Variants in PALM2AKAP2 observed in about 807,000 individuals in gnomAD.
The protein encoded by PALM2AKAP2 is PALM2-AKAP2 fusion protein.
PALM2AKAP2 carries 37 observed loss-of-function variants against 71.5 expected under a neutral mutation model. The observed-to-expected ratio is 0.52, with a 90% CI of 0.40 to 0.68. The LOEUF is 0.68. PALM2AKAP2 is among the 30% of genes least tolerant of loss of function. The pLI is 0.00. For synonymous variants in PALM2AKAP2, 468 were observed against 478.8 expected (o/e 0.98, Z 0.29); for missense variants, 1,224 against 1,191.8 (o/e 1.03, Z -0.40).
At chr9:109,647,050 C>A (rs1410617889) in intron 1 of PALM2AKAP2, among the ~76,000 whole-genome samples, 2 of 152,138 alleles carry the variant, frequency 1.3e-5, no homozygotes, top group Non-Finnish European at 2.9e-5. Context: ...GAGGTGATTA[C>A]CATGAACGCT....
chr9:110,145,937 C>T (rs111851762), intron 2 of PALM2AKAP2, among the ~76,000 whole-genome samples: 16,920 of 114,568 alleles, frequency 0.15, 972 homozygotes, highest in East Asian at 0.2. Flanking sequence ...CTCGTTCTGT[C>T]GCCCAGTCTG....
At chr9:109,863,057 C>T (rs10980095) in intron 1 of PALM2AKAP2, 2 of 428,320 alleles carry the variant, frequency 4.7e-6, no homozygotes, top group Non-Finnish European at 9.3e-6. Context: ...AGGCAAGGGT[C>T]GGAGGTGGTC....
At chr9:109,960,406 A>G (rs1026049340) in intron 6 of PALM2AKAP2, among the ~76,000 whole-genome samples, 10 of 152,220 alleles carry the variant, frequency 6.6e-5, no homozygotes, top group Admixed American at 6.5e-4. Context: ...CAGTAGCAGC[A>G]CCTTTGATCT....
chr9:110,070,930 C>G (rs903324397), intron 1 of PALM2AKAP2, among the ~76,000 whole-genome samples: 1 of 151,858 alleles, frequency 6.6e-6, no homozygotes, highest in Non-Finnish European at 1.5e-5. Context: ...GGGAGGCTGA[C>G]GTGGGTGGAT....
intron 1 of PALM2AKAP2, among the ~76,000 whole-genome samples, chr9:110,109,367 A>G (rs1294331457): frequency 6.6e-6 from 1 of 151,220 alleles, no homozygotes; most frequent in Non-Finnish European, 1.5e-5. Flanking sequence ...AAAAAAAAAA[A>G]AAAGAAAAAC....
intron 1 of PALM2AKAP2, among the ~76,000 whole-genome samples, chr9:109,691,941 CACATATATATATAT>C (rs1290177543): frequency 1.2e-4 from 14 of 113,252 alleles, no homozygotes; most frequent in African/African-American, 4.5e-4. Context: ...TATATATATA[CACATATATATATAT>C]ACATATATAT....
intron 1 of PALM2AKAP2, among the ~76,000 whole-genome samples, chr9:109,716,933 G>T (rs1383219746): frequency 3.3e-5 from 5 of 152,134 alleles, no homozygotes; most frequent in African/African-American, 4.8e-5. Flanking sequence ...GGGCTGGCTT[G>T]CCAGAAGGAC....
At chr9:110,132,107 C>T (rs1429560654) in intron 1 of PALM2AKAP2, among the ~76,000 whole-genome samples, 4 of 150,938 alleles carry the variant, frequency 2.7e-5, no homozygotes, top group African/African-American at 7.3e-5. Context: ...GCTGGAGTGC[C>T]GTGGCATGAT....
rs1836463386 is a variant in PALM2AKAP2, at chr9:110,156,551, G to GCGTGTGGCATTCCAGTTCAGGCACAA, written c.2748+55_2748+80dup. The GCGTGTGGCATTCCAGTTCAGGCACAA allele has an allele frequency of 2.6e-6, 4 of 1,516,520 alleles. No individual in the cohort carries two copies. In the South Asian group the frequency reaches 5.5e-5, roughly 21 times the overall value. 93.9% of individuals were successfully genotyped at this position (1,516,520 alleles called of 1,614,324 possible). On this transcript the variant is annotated intron_variant, in intron 3 of 3. Coordinates refer to ENST00000374525, the Ensembl canonical transcript of PALM2AKAP2. ...TTCTCTGAGCGCGGCCATCGGTGTG[G>GCGTGTGGCATTCCAGTTCAGGCACAA]CGTGTGGCATTCCAGTTCAGGCACA...
intron 3 of PALM2AKAP2, among the ~76,000 whole-genome samples, chr9:109,909,957 T>C (rs916540665): frequency 6.6e-6 from 1 of 152,162 alleles, no homozygotes; most frequent in Non-Finnish European, 1.5e-5. Context: ...TATTGTGGTG[T>C]GTCTAGGCAC....
At chr9:110,050,002 G>A in intron 1 of PALM2AKAP2, among the ~76,000 whole-genome samples, 1 of 152,232 alleles carries the variant, frequency 6.6e-6, no homozygotes, top group East Asian at 1.9e-4. Context: ...AGGAAAGCCC[G>A]TTTCCCGTGT....
At chr9:109,745,487 A>AGTGTGTGTGT (rs199950779) in intron 1 of PALM2AKAP2, among the ~76,000 whole-genome samples, 5,828 of 146,916 alleles carry the variant, frequency 0.04, 169 homozygotes, top group Non-Finnish European at 0.053. Flanking sequence ...AGTGGCTGTC[A>AGTGTGTGTGT]GTGTGTGTGT....
At chr9:109,986,830 G>A (rs1231841160) in intron 6 of PALM2AKAP2, among the ~76,000 whole-genome samples, 1 of 152,136 alleles carries the variant, frequency 6.6e-6, no homozygotes, top group African/African-American at 2.4e-5. Context: ...TCATAGGCTT[G>A]GAATGACTAG....
rs535876282 is a variant in PALM2AKAP2 at position 109,687,723 on chromosome 9, G to A, written c.5+46857G>A. ...AGCACTTTTAATTTCCTTCAAGAGC[G>A]TTTCCTTTGCATTCACAACTTGGCT... On this transcript the variant is annotated intron_variant, in intron 1 of 6. Transcript: ENST00000374531. Among the ~76,000 whole-genome samples the A allele has an allele frequency of 3.3e-5, 5 of 152,300 alleles. No homozygotes were observed. In the South Asian group the frequency reaches 8.3e-4, roughly 25 times the overall value.
chr9:109,780,296 G>T (rs1384701868), upstream of PALM2AKAP2: 3 of 1,269,052 alleles, frequency 2.4e-6, no homozygotes, highest in Non-Finnish European at 3.0e-6. Context: ...GAGGGCGGGG[G>T]CCAGAGGCTG....
chr9:109,881,666 C>G (rs1046639428), intron 3 of PALM2AKAP2, among the ~76,000 whole-genome samples: 1 of 152,110 alleles, frequency 6.6e-6, no homozygotes, highest in Non-Finnish European at 1.5e-5. Context: ...ACTGGCCAGG[C>G]TCACACAAGA....
chr9:109,691,833 GATATATATATATATATAT>G lies in PALM2AKAP2; in HGVS notation c.5+50985_5+51002del, dbSNP rs1185965530. ...TATCAATTTTCCAATCCAGAAAGAC[GATATATATATATATATAT>G]ATATATATATATATATACACACACA... On this transcript the variant is annotated intron_variant, in intron 1 of 6. Coordinates refer to the PALM2AKAP2 transcript ENST00000374531. 7.5e-4 allele frequency among the ~76,000 whole-genome samples: 27 copies of G among 36,040 alleles called. No homozygotes were observed. The East Asian group carries it at 0.014, about 19-fold the overall frequency. The allele number at this position is 36,040 out of a possible 152,430, so 23.6% of individuals were successfully genotyped here.
chr9:110,042,005 C>T (rs1239505822), intron 7 of PALM2AKAP2, among the ~76,000 whole-genome samples: 1 of 152,100 alleles, frequency 6.6e-6, no homozygotes, highest in African/African-American at 2.4e-5. Flanking sequence ...GAGGTCAACC[C>T]CTTGGAGAAG....
chr9:109,829,774 A>G (rs1042911853), intron 1 of PALM2AKAP2, among the ~76,000 whole-genome samples: 6 of 152,016 alleles, frequency 3.9e-5, no homozygotes, highest in Non-Finnish European at 7.4e-5. Flanking sequence ...TTGGCTTGGT[A>G]ACCCTGTTCA....
Sources: allele counts gnomAD v4.1 joint callset (sites outside exome capture counted in the v4.1 genomes callset), GRCh38; gene constraint gnomAD v4.1.1; transcripts MANE v1.5; gene names NCBI Gene and HGNC (gene_info 2026-07-23, HGNC 2026-07-21).